The following ITPR2 variants were observed in gnomAD, a reference collection of about 807,000 sequenced individuals.
ITPR2 encodes inositol 1,4,5-trisphosphate-gated calcium channel ITPR2.
Under a neutral mutation model 317.1 loss-of-function variants are expected in ITPR2, and 207 were observed. The observed-to-expected ratio is 0.65, with a 90% CI of 0.58 to 0.73. ITPR2 has a LOEUF of 0.73. Among genes scored for constraint, ITPR2 ranks in the 30% least tolerant of loss-of-function variants. The probability of loss-of-function intolerance (pLI) is 0.00; values close to 1 mark genes in which losing one functional copy is unlikely to be tolerated. For synonymous variants in ITPR2, 1,156 were observed against 1,149.1 expected (o/e 1.01, Z -0.12); for missense variants, 2,613 against 3,284.0 (o/e 0.80, Z 4.99).
At chr12:26,514,064 T>C (rs980411187) in intron 37 of ITPR2, among the ~76,000 whole-genome samples, 1 of 152,244 alleles carries the variant, frequency 6.6e-6, no homozygotes, top group African/African-American at 2.4e-5. Context: ...AACAATGTGA[T>C]ACTTATAAAC....
intron 37 of ITPR2, among the ~76,000 whole-genome samples, chr12:26,534,354 G>T (rs542928598): frequency 1.3e-5 from 2 of 152,260 alleles, no homozygotes; most frequent in South Asian, 4.1e-4. Flanking sequence ...CTTGCCAATA[G>T]ATCTCAGAGG....
chr12:26,569,852 T>G (rs1013877303), intron 34 of ITPR2, among the ~76,000 whole-genome samples: 1 of 152,038 alleles, frequency 6.6e-6, no homozygotes, highest in African/African-American at 2.4e-5. Flanking sequence ...GCTGGTGGAG[T>G]GTAAATTGAA....
rs1234562313 is a variant in ITPR2 at position 26,730,623 on chromosome 12, G to A, written c.164-4858C>T. ...GCAGAATTACAGAAGTTCAGGAAAT[G>A]TTAGTAATCCAACCAGACATATGTT... On this transcript the variant is annotated intron_variant, in intron 2 of 56. Transcript: ENST00000381340. Among the ~76,000 whole-genome samples the A allele has an allele frequency of 2.0e-5, 3 of 152,196 alleles. No homozygotes were observed. In the East Asian group the frequency reaches 5.8e-4, roughly 29 times the overall value.
intron 52 of ITPR2, among the ~76,000 whole-genome samples, chr12:26,402,243 G>A (rs913465757): frequency 1.3e-5 from 2 of 152,174 alleles, no homozygotes; most frequent in African/African-American, 2.4e-5. Context: ...GGGCTTTTAA[G>A]GGGAAAAATC....
intron 1 of ITPR2, among the ~76,000 whole-genome samples, chr12:26,828,805 G>A (rs1277015219): frequency 6.6e-6 from 1 of 152,102 alleles, no homozygotes; most frequent in Non-Finnish European, 1.5e-5. Context: ...AAAGCCAAAA[G>A]TCAGTTTTAG....
At chr12:26,401,901 C>G (rs952299301) in intron 52 of ITPR2, among the ~76,000 whole-genome samples, 2 of 152,170 alleles carry the variant, frequency 1.3e-5, no homozygotes, top group African/African-American at 4.8e-5. Context: ...GGGCTGAAGT[C>G]AGAGATGAAG....
At position 26,428,010 on chromosome 12, in the gene ITPR2, T is replaced by A. The variant is rs775102133; in HGVS notation, c.6848A>T (p.Lys2283Met). The A allele has an allele frequency of 1.9e-6, 3 of 1,612,970 alleles. No homozygotes were observed. The highest frequency in any genetic ancestry group is 2.5e-6 in the Non-Finnish European group (3 of 1,179,462). ...AAGAAACGGCCGAATACCCACAGGC[T>A]TGGAGAAGAAAAACAGCATAGATGT... Reference protein sequence around the residue: ...ICTSMLFFFSKPVGIRPFLVS... With the variant: ...ICTSMLFFFSMPVGIRPFLVS... Residue 2283 changes from lysine (K) to methionine (M), a missense_variant, in exon 49 of 57, where the codon AAG becomes ATG. Around this residue, in one of 9 missense-constraint regions of ITPR2, gnomAD observed 926 missense variants for 1,072.8 expected, o/e 0.86. Coordinates refer to ENST00000381340, the MANE Select transcript of ITPR2 (RefSeq NM_002223.4).
chr12:26,672,530 C>T (rs11494764), intron 13 of ITPR2, among the ~76,000 whole-genome samples: 4 of 149,562 alleles, frequency 2.7e-5, no homozygotes, highest in Non-Finnish European at 5.9e-5. Context: ...ATACCAGAAT[C>T]TCTGGGACAC....
chr12:26,733,754 A>T (rs1949067787), intron 2 of ITPR2, among the ~76,000 whole-genome samples: 1 of 152,198 alleles, frequency 6.6e-6, no homozygotes, highest in Non-Finnish European at 1.5e-5. Flanking sequence ...GCAAGCCACT[A>T]CACTAGATGT....
At chr12:26,611,022 G>A (rs1946251822) in intron 26 of ITPR2, among the ~76,000 whole-genome samples, 1 of 152,226 alleles carries the variant, frequency 6.6e-6, no homozygotes. Flanking sequence ...CAACACCACA[G>A]TAACTACCTA....
intron 37 of ITPR2, among the ~76,000 whole-genome samples, chr12:26,501,636 A>G (rs922536786): frequency 6.6e-6 from 1 of 152,238 alleles, no homozygotes; most frequent in Admixed American, 6.5e-5. Context: ...ATGATGTCTC[A>G]ATGATTCTAG....
rs1941347033 is a variant in ITPR2, at chr12:26,436,315, G to A, written c.6675C>T (p.His2225=). ...NNPALFWFSR[H]ISLWGSISFN... ...AGGAAATGCTCCCCCAGAGAGAGAT[G>A]TGCCTCGAGAACCAGAACAGTGCAG... Residue 2225 remains histidine (H), a synonymous_variant, in exon 48 of 57, where the codon CAC becomes CAT. Coordinates refer to ENST00000381340, the MANE Select transcript of ITPR2 (RefSeq NM_002223.4). 6.2e-7 allele frequency: 1 copy of A among 1,613,082 alleles called. No homozygotes were observed. The highest frequency in any genetic ancestry group is 8.5e-7 in the Non-Finnish European group (1 of 1,179,508).
rs375352349 is a variant in ITPR2 at position 26,666,058 on chromosome 12, C to T, written c.1410-7G>A. ...CAATAATTTGGTTACAAACCTATTA[C>T]AAAATGAAAAGGAAATTTTACTTTA... is the stretch of plus-strand genomic sequence containing the variant. On this transcript the variant is annotated splice_region_variant and splice_polypyrimidine_tract_variant and intron_variant, in intron 13 of 56. Coordinates refer to ENST00000381340, the MANE Select transcript of ITPR2 (RefSeq NM_002223.4). The T allele has an allele frequency of 6.9e-6, 11 of 1,601,960 alleles. No homozygotes were observed. Among genetic ancestry groups the T allele is most frequent in the South Asian group, 1.1e-5 (1 of 88,474 alleles).
intron 37 of ITPR2, among the ~76,000 whole-genome samples, chr12:26,495,942 A>C (rs1942921750): frequency 6.6e-6 from 1 of 152,242 alleles, no homozygotes; most frequent in Non-Finnish European, 1.5e-5. Context: ...GGCAAAAGAC[A>C]GTGTATTCCT....
intron 2 of ITPR2, among the ~76,000 whole-genome samples, chr12:26,728,928 C>G (rs1948981028): frequency 6.6e-6 from 1 of 152,174 alleles, no homozygotes; most frequent in Non-Finnish European, 1.5e-5. Context: ...AAGTTCCTTA[C>G]ACATGCTGGA....
intron 45 of ITPR2, among the ~76,000 whole-genome samples, chr12:26,468,806 C>T (rs1942234586): frequency 6.6e-6 from 1 of 152,168 alleles, no homozygotes; most frequent in Admixed American, 6.5e-5. Flanking sequence ...TAAGTGCCTA[C>T]AGAGTCATTA....
chr12:26,641,864 C>G (rs149068254), intron 21 of ITPR2, among the ~76,000 whole-genome samples: 2 of 152,224 alleles, frequency 1.3e-5, no homozygotes, highest in Non-Finnish European at 2.9e-5. Flanking sequence ...TCCTTTTAGG[C>G]ACCGTTGACA....
chr12:26,551,431 A>G (rs1168289877), intron 36 of ITPR2, among the ~76,000 whole-genome samples: 1 of 152,200 alleles, frequency 6.6e-6, no homozygotes, highest in Non-Finnish European at 1.5e-5. Context: ...CTGCAAATGC[A>G]TTCAGGTCCA....
At chr12:26,518,211 C>G (rs1468946922) in intron 37 of ITPR2, among the ~76,000 whole-genome samples, 2 of 152,270 alleles carry the variant, frequency 1.3e-5, no homozygotes, top group East Asian at 1.9e-4. Flanking sequence ...AGATCATGTC[C>G]TTTGCAGCAA....
Sources: gnomAD v4.1 joint callset for allele counts (sites outside exome capture counted in the v4.1 genomes callset) on GRCh38, gnomAD v4.1.1 for gene constraint, gnomAD v4.1.1 regional missense constraint, MANE v1.5 for transcripts, NCBI Gene and HGNC (gene_info 2026-07-23, HGNC 2026-07-21) for gene names.